The following HLA-F variants were observed in gnomAD, a reference collection of about 807,000 sequenced individuals.
The protein encoded by HLA-F is HLA class I histocompatibility antigen, alpha chain F.
In HLA-F, 46 loss-of-function variants were observed where a neutral mutation model predicts 49.5. The observed-to-expected ratio is 0.93, with a 90% CI of 0.73 to 1.19. The LOEUF (loss-of-function observed/expected upper bound fraction) is 1.19. HLA-F is among the 50% of genes most tolerant of loss of function. The pLI is 0.00. For missense variants in HLA-F, 496 were observed against 579.6 expected, an observed-to-expected ratio of 0.86 and a Z score of 1.48; for synonymous variants, 203 against 233.5, an observed-to-expected ratio of 0.87 and a Z score of 1.19.
At chr6:29,723,625 G>T (rs1355653516) in intron 1 of HLA-F, 33 bp from the exon 2 acceptor site, 1 of 1,604,380 alleles carries the variant, frequency 6.2e-7, no homozygotes, top group Non-Finnish European at 8.5e-7. Context: ...CCGGAGGAGG[G>T]TCTGGCGGGT....
intron 4 of HLA-F, 36 bp downstream of exon 4, chr6:29,725,342 G>T: frequency 6.2e-7 from 1 of 1,613,200 alleles, no homozygotes; most frequent in Non-Finnish European, 8.5e-7. Flanking sequence ...GGAACGAGGG[G>T]TCATGTCTTT....
At chr6:29,736,061 A>C (rs1777065386) in intron 3 of HLA-F, 2 of 153,266 alleles carry the variant, frequency 1.3e-5, no homozygotes, top group Admixed American at 1.3e-4. Context: ...GAAACCTGCA[A>C]CCACCATCTT....
chr6:29,736,474 A>G (rs999109955), intron 3 of HLA-F: 1 of 446,184 alleles, frequency 2.2e-6, no homozygotes, highest in African/African-American at 2.0e-5. Flanking sequence ...ATTGTTTCAA[A>G]ACATCAGAAA....
chr6:29,726,987 G>A lies in HLA-F; in HGVS notation c.1141G>A (p.Val381Ile). 3 of 1,613,420 alleles carry A rather than the reference G, an allele frequency of 1.9e-6. No homozygotes were observed. Among genetic ancestry groups the A allele is most frequent in the Non-Finnish European group, 2.5e-6 (3 of 1,180,032 alleles). Residue 381 changes from valine (V) to isoleucine (I), a missense_variant, in exon 7 of 7, where the codon GTC becomes ATC. By Grantham distance (29) the Val-to-Ile change is conservative. Transcript: ENST00000259951. ...GYLGCLRSHSVLGRRKVGDMW... is the reference protein window; with the variant it reads ...GYLGCLRSHSILGRRKVGDMW... ...TTTGGGCTGCCTCCGGAGTCACAGT[G>A]TCTTGGGCCGCCGGAAGGTGGGTGA...
chr6:29,729,814 C>G (rs935550865), downstream of HLA-F, among the ~76,000 whole-genome samples: 4 of 152,118 alleles, frequency 2.6e-5, no homozygotes, highest in Non-Finnish European at 5.9e-5. Context: ...AACAAACAAT[C>G]TCATTCAAAA....
chr6:29,724,079 C>G (rs774367811), intron 2 of HLA-F, 94 bp from the exon 3 acceptor site: 22 of 1,562,540 alleles, frequency 1.4e-5, no homozygotes, highest in Admixed American at 1.9e-5. Flanking sequence ...GCGCCTTTAC[C>G]CAGGTTCATT....
At chr6:29,724,764 G>A (rs1360431639) in intron 3 of HLA-F, among the ~76,000 whole-genome samples, 1 of 152,120 alleles carries the variant, frequency 6.6e-6, no homozygotes, top group Non-Finnish European at 1.5e-5. Context: ...TTTGTTCTCT[G>A]CCTCACACTC....
chr6:29,723,913 A>G lies in HLA-F; in HGVS notation c.320A>G (p.Asn107Ser). 6.3e-7 allele frequency: 1 copy of G among 1,596,176 alleles called. No individual in the cohort carries two copies. Among genetic ancestry groups the G allele is most frequent in the African/African-American group, 1.3e-5 (1 of 74,466 alleles). The change falls in exon 2 of 7, where the codon AAC (asparagine) becomes AGC (serine). Residue 107 changes from asparagine to serine, a missense_variant. Asn to Ser is a conservative substitution (Grantham distance 46). Transcript: ENST00000259951. ...CTGAGGAACCTGCTCCGCCGCTACA[A>G]CCAGAGCGAGGCTGGTGAGTGAACC... ...VALRNLLRRY[N>S]QSEAGSHTLQ...
downstream of HLA-F, chr6:29,728,082 G>C (rs6934884): frequency 0.019 from 9,696 of 518,884 alleles, 172 homozygotes; most frequent in African/African-American, 0.069. Context: ...AGGAGGAGGT[G>C]CTACCAGCAT....
At chr6:29,726,599 T>C (rs1032251583) in intron 6 of HLA-F, 11 of 1,513,400 alleles carry the variant, frequency 7.3e-6, no homozygotes, top group African/African-American at 1.4e-5. Context: ...AAAGAGTGAA[T>C]AGAGAGATTA....
At chr6:29,731,160 A>T (rs1776545785), downstream of HLA-F, among the ~76,000 whole-genome samples, 1 of 152,180 alleles carries the variant, frequency 6.6e-6, no homozygotes, top group Non-Finnish European at 1.5e-5. Context: ...ACTGTGACAG[A>T]TTCTATTTGT....
rs186412010 is a variant in HLA-F at position 29,725,372 on chromosome 6, C to T, written c.886+66C>T. On this transcript the variant is annotated intron_variant, in intron 4 of 6. Coordinates refer to ENST00000259951, the MANE Select transcript of HLA-F (RefSeq NM_001098479.2). Reference sequence around the variant, plus strand: ...GTCTTTTCTCAGGGAAAGCAGGAGCCCTTCTGGAGCTCTTCAGCAGGGTCA... The same window carrying T: ...GTCTTTTCTCAGGGAAAGCAGGAGCTCTTCTGGAGCTCTTCAGCAGGGTCA... The T allele has an allele frequency of 4.5e-5, 73 of 1,609,632 alleles. No individual in the cohort carries two copies. The African/African-American group carries it at 8.8e-4, about 19-fold the overall frequency.
At chr6:29,724,990 A>T (rs1375212168) in intron 3 of HLA-F, 41 bp from the exon 4 acceptor site, 56 of 1,597,560 alleles carry the variant, frequency 3.5e-5, no homozygotes, top group Non-Finnish European at 4.6e-5. Flanking sequence ...GGGGTTTCCC[A>T]TGAGGAGTGC....
At chr6:29,726,654 C>A in intron 6 of HLA-F, 2 of 1,487,826 alleles carry the variant, frequency 1.3e-6, no homozygotes, top group Non-Finnish European at 1.8e-6. Flanking sequence ...TTGGAACTAG[C>A]CAGCTTGACT....
At chr6:29,737,069 A>G (rs1777162318) in intron 3 of HLA-F, among the ~76,000 whole-genome samples, 1 of 152,162 alleles carries the variant, frequency 6.6e-6, no homozygotes, top group Non-Finnish European at 1.5e-5. Flanking sequence ...ATGAAAAGAA[A>G]TGAAAGACTG....
intron 3 of HLA-F, among the ~76,000 whole-genome samples, chr6:29,733,838 A>G (rs181182832): frequency 1.2e-3 from 183 of 152,342 alleles, no homozygotes; most frequent in African/African-American, 4.2e-3. Context: ...TTTATAAAAT[A>G]CTGATTATCT....
Position 29,723,710 on chromosome 6 carries a change from GGA to G in HLA-F, c.119_120del (p.Glu40AlafsTer55). 1 of 1,611,822 alleles carries G rather than the reference GGA, an allele frequency of 6.2e-7. No homozygotes were observed. Among genetic ancestry groups the G allele is most frequent in the Non-Finnish European group, 8.5e-7 (1 of 1,179,748 alleles). ...STAVSRPGRGEPRYIAVEYVD... is the reference protein window; with the variant it reads ...STAVSRPGRGXPRYIAVEYVD... ...CCGCTGTGTCGCGGCCCGGCCGCGG[GGA>G]GCCCCGCTACATCGCCGTGGAGTAC... On this transcript the variant is annotated frameshift_variant, in exon 2 of 7. Transcript: ENST00000259951. LOFTEE classifies it high-confidence loss of function.
intron 3 of HLA-F, chr6:29,735,055 A>C (rs1297873892): frequency 6.6e-6 from 1 of 151,992 alleles, no homozygotes; most frequent in African/African-American, 2.4e-5. Context: ...TTGTTTATTC[A>C]TTCATTAGTC....
At chr6:29,728,873 C>T (rs562506447), downstream of HLA-F, 112 of 152,216 alleles carry the variant, frequency 7.4e-4, 2 homozygotes, top group East Asian at 0.019. Flanking sequence ...CCTTCAGCGA[C>T]GCATTGTGAG....
Sources: gnomAD v4.1 joint callset for allele counts (sites outside exome capture counted in the v4.1 genomes callset) on GRCh38, gnomAD v4.1.1 for gene constraint, MANE v1.5 for transcripts, NCBI Gene and HGNC (gene_info 2026-07-23, HGNC 2026-07-21) for gene names.